CDON: variants seen among roughly 807,000 people sequenced by gnomAD.
The protein encoded by CDON is cell adhesion molecule-related/down-regulated by oncogenes.
A neutral mutation model predicts 120.9 loss-of-function variants in CDON; 73 were observed. The observed-to-expected ratio is 0.60, with a 90% CI of 0.50 to 0.73. The LOEUF (loss-of-function observed/expected upper bound fraction) is 0.73, where lower values mean the gene tolerates loss of function less well. Among genes scored for constraint, CDON ranks in the 30% least tolerant of loss-of-function variants. The pLI is 0.00. For missense variants in CDON, 1,470 were observed against 1,587.3 expected (o/e 0.93, Z 1.26); for synonymous variants, 566 against 573.5 (o/e 0.99, Z 0.19).
At chr11:125,991,831 T>C (rs995016295) in intron 14 of CDON, among the ~76,000 whole-genome samples, 3 of 152,174 alleles carry the variant, frequency 2.0e-5, no homozygotes, top group African/African-American at 7.2e-5. Flanking sequence ...CTGCTCAGTA[T>C]GTTACATTTA....
At chr11:125,999,130 T>A (rs1467289101) in intron 11 of CDON, among the ~76,000 whole-genome samples, 1 of 152,256 alleles carries the variant, frequency 6.6e-6, no homozygotes, top group Non-Finnish European at 1.5e-5. Context: ...CTTACTGTAT[T>A]CCTTTCAAGT....
chr11:126,018,555 A>G (rs1462962523), intron 4 of CDON, 82 bp from the exon 5 acceptor site: 1 of 1,152,458 alleles, frequency 8.7e-7, no homozygotes, highest in African/African-American at 1.5e-5. Context: ...AAGGCTGATC[A>G]TTATGCTCTA....
In CDON at chr11:125,958,565, A is replaced by ATATGTGTGTGTGTGTGTGTGTGTGTG. The variant is rs371911236; in HGVS notation, c.*2376_*2377insCACACACACACACACACACACACATA. ...AAGGCAATTATATATATATATATAT[A>ATATGTGTGTGTGTGTGTGTGTGTGTG]TGTGTGTGTGTGTGTGTGTGTGTGT... is the stretch of plus-strand genomic sequence containing the variant. On this transcript the variant is annotated 3_prime_UTR_variant, in exon 20 of 20. Transcript: ENST00000531738. 7.7e-6 allele frequency: 1 copy of ATATGTGTGTGTGTGTGTGTGTGTGTG among 130,102 alleles called. No homozygotes were observed. Among genetic ancestry groups the ATATGTGTGTGTGTGTGTGTGTGTGTG allele is most frequent in the Admixed American group, 8.0e-5 (1 of 12,458 alleles). 8.1% of individuals were successfully genotyped at this position (130,102 alleles called of 1,614,324 possible). A position where few individuals can be genotyped will look rare whatever the true frequency, so the allele number is the denominator to read the frequency against.
chr11:125,982,007 G>A (rs1344600016), intron 16 of CDON, among the ~76,000 whole-genome samples: 1 of 62,362 alleles, frequency 1.6e-5, no homozygotes, highest in Non-Finnish European at 2.7e-5. Context: ...TTTTGAGATG[G>A]AGTTTCGCTC....
At chr11:125,965,442 T>C (rs1384328889) in intron 18 of CDON, among the ~76,000 whole-genome samples, 1 of 152,168 alleles carries the variant, frequency 6.6e-6, no homozygotes, top group African/African-American at 2.4e-5. Context: ...CAGCACCACT[T>C]TTCTTCTGGA....
chr11:126,010,644 C>A lies in CDON; in HGVS notation c.1249G>T (p.Ala417Ser). 6.2e-7 allele frequency: 1 copy of A among 1,614,186 alleles called. No individual in the cohort carries two copies. Among genetic ancestry groups the A allele is most frequent in the Non-Finnish European group, 8.5e-7 (1 of 1,180,012 alleles). ...GACAGAGTAACAAAGTCTCCGTCTG[C>A]AACCTTTGCACTTACTGGTGCCGTA... Reference protein sequence around the residue: ...IITAPVSAKVADGDFVTLSCN... With the variant: ...IITAPVSAKVSDGDFVTLSCN... Residue 417 changes from alanine (A) to serine (S), a missense_variant, in exon 8 of 20, where the codon GCA (alanine) becomes TCA (serine). Coordinates refer to ENST00000531738, the MANE Select transcript of CDON (RefSeq NM_001378964.1).
intron 17 of CDON, 135 bp from the exon 18 acceptor site, chr11:125,978,518 A>G: frequency 1.4e-6 from 1 of 692,912 alleles, no homozygotes; most frequent in Non-Finnish European, 2.6e-6. Flanking sequence ...ATTCTAACCA[A>G]CTCCCAGAGC....
At chr11:126,015,013 G>C in intron 7 of CDON, 1 of 551,272 alleles carries the variant, frequency 1.8e-6, no homozygotes, top group Non-Finnish European at 3.2e-6. Context: ...AAAGTAGGCA[G>C]AATCTGTTGA....
At chr11:125,967,265 TCTAA>T (rs1162834356) in intron 18 of CDON, among the ~76,000 whole-genome samples, 3 of 152,234 alleles carry the variant, frequency 2.0e-5, no homozygotes, top group Admixed American at 6.5e-5. Context: ...CACATTAAAC[TCTAA>T]CTAATGTCAT....
At chr11:126,014,055 T>C (rs79748132) in intron 7 of CDON, among the ~76,000 whole-genome samples, 15,804 of 152,124 alleles carry the variant, frequency 0.1, 853 homozygotes, top group Admixed American at 0.13. Flanking sequence ...AATGTCCAAA[T>C]ACATGCCAAT....
intron 6 of CDON, 66 bp downstream of exon 6, chr11:126,017,022 C>A: frequency 7.7e-7 from 1 of 1,290,898 alleles, no homozygotes. Context: ...ATAGATCTTT[C>A]CTTCAGGTAT....
intron 7 of CDON, among the ~76,000 whole-genome samples, chr11:126,012,577 T>C (rs925992936): frequency 5.3e-5 from 8 of 151,558 alleles, no homozygotes; most frequent in African/African-American, 1.9e-4. Flanking sequence ...TTTTTTTTTT[T>C]TTTTGTATTT....
Position 126,000,401 on chromosome 11 carries a change from T to TA in CDON, c.2158+1317_2158+1318insT, listed in dbSNP as rs555388754. On this transcript the variant is annotated intron_variant, in intron 11 of 19. Coordinates refer to ENST00000531738, the MANE Select transcript of CDON (RefSeq NM_001378964.1). ...TTTAAAATTTTTTGTAGATACTGGG[T>TA]CTCACTACGTTGCTCAAGCAGTTCT... is the stretch of plus-strand genomic sequence containing the variant. Among the ~76,000 whole-genome samples, 487 of 151,786 alleles carry TA rather than the reference T, an allele frequency of 3.2e-3. 4 individuals are homozygous for TA. The highest frequency in any genetic ancestry group is 2.9e-3 in the Non-Finnish European group (196 of 67,928).
Position 125,959,880 on chromosome 11 carries a change from G to A in CDON, c.*1062C>T, listed in dbSNP as rs181601254. On this transcript the variant is annotated 3_prime_UTR_variant, in exon 20 of 20. Coordinates refer to ENST00000531738, the MANE Select transcript of CDON (RefSeq NM_001378964.1). Reference sequence around the variant, plus strand: ...TAATGTCTTATTTTGTTCCTACTCCGAGAAACAGTCAAAAAGAGCCCATAG... The same window carrying A: ...TAATGTCTTATTTTGTTCCTACTCCAAGAAACAGTCAAAAAGAGCCCATAG... 5 of 151,920 alleles carry A rather than the reference G, an allele frequency of 3.3e-5. No individual in the cohort carries two copies. The highest frequency in any genetic ancestry group is 5.9e-5 in the Non-Finnish European group (4 of 68,014). 9.4% of individuals were successfully genotyped at this position (151,920 alleles called of 1,614,324 possible). A position where few individuals can be genotyped will look rare whatever the true frequency, so the allele number is the denominator to read the frequency against.
At chr11:126,031,478 CCA>C (rs1465361204) in intron 1 of CDON, among the ~76,000 whole-genome samples, 1 of 152,124 alleles carries the variant, frequency 6.6e-6, no homozygotes, top group Non-Finnish European at 1.5e-5. Context: ...TTATATAATA[CCA>C]CAGTTTTTAG....
intron 3 of CDON, 110 bp downstream of exon 3, chr11:126,021,138 C>A: frequency 8.6e-7 from 1 of 1,159,876 alleles, no homozygotes; most frequent in Non-Finnish European, 1.2e-6. Context: ...GAGATAAAAA[C>A]TCCTATATGC....
At chr11:126,048,037 G>A (rs1216488497) in intron 1 of CDON, among the ~76,000 whole-genome samples, 1 of 152,138 alleles carries the variant, frequency 6.6e-6, no homozygotes, top group Non-Finnish European at 1.5e-5. Context: ...AGCACTTTGG[G>A]AGGCTGAGGC....
intron 7 of CDON, among the ~76,000 whole-genome samples, chr11:126,014,625 G>C (rs961633273): frequency 6.6e-6 from 1 of 152,090 alleles, no homozygotes; most frequent in African/African-American, 2.4e-5. Flanking sequence ...ATTCATTATA[G>C]AACTATTTGT....
chr11:126,045,549 T>G (rs960977953), intron 1 of CDON, among the ~76,000 whole-genome samples: 1 of 152,204 alleles, frequency 6.6e-6, no homozygotes, highest in Admixed American at 6.5e-5. Flanking sequence ...CAGTATTTAC[T>G]TTGGAAATTC....
Sources: allele counts gnomAD v4.1 joint callset (sites outside exome capture counted in the v4.1 genomes callset), GRCh38; gene constraint gnomAD v4.1.1; transcripts MANE v1.5; gene names NCBI Gene and HGNC (gene_info 2026-07-23, HGNC 2026-07-21).